The following PDSS2 variants were observed in gnomAD, a reference collection of about 807,000 sequenced individuals.
PDSS2 encodes all trans-polyprenyl-diphosphate synthase PDSS2.
PDSS2 carries 31 observed loss-of-function variants against 44.5 expected under a neutral mutation model. That is an observed-to-expected ratio of 0.70 (90% CI 0.52 to 0.94). The LOEUF is 0.94. Ranked by LOEUF, PDSS2 falls within the 40% of genes least tolerant of loss-of-function variation. The pLI, the probability that PDSS2 is intolerant of heterozygous loss-of-function variation, is 0.00. For synonymous variants in PDSS2, 157 were observed against 180.3 expected (o/e 0.87, Z 1.03); for missense variants, 452 against 482.2 (o/e 0.94, Z 0.59).
chr6:107,338,607 A>G (rs1777981646), intron 1 of PDSS2, among the ~76,000 whole-genome samples: 1 of 152,214 alleles, frequency 6.6e-6, no homozygotes, highest in Admixed American at 6.5e-5. Context: ...CAACTAACAC[A>G]ATTCAGGGGA....
At chr6:107,404,290 T>C (rs1468131915) in intron 1 of PDSS2, among the ~76,000 whole-genome samples, 1 of 152,208 alleles carries the variant, frequency 6.6e-6, no homozygotes, top group Admixed American at 6.5e-5. Flanking sequence ...GACAAGTCTC[T>C]AGGAAGTTCC....
chr6:107,172,070 G>A (rs539219103), intron 7 of PDSS2, among the ~76,000 whole-genome samples: 11 of 152,170 alleles, frequency 7.2e-5, no homozygotes, highest in Non-Finnish European at 1.5e-4. Flanking sequence ...TATAAGTGCA[G>A]TATCACCTGA....
chr6:107,377,419 C>A (rs976685250), intron 1 of PDSS2, among the ~76,000 whole-genome samples: 4 of 152,158 alleles, frequency 2.6e-5, no homozygotes, highest in Non-Finnish European at 5.9e-5. Context: ...GAAACAGGAA[C>A]ATTTTTACAC....
At chr6:107,172,988 G>T (rs782686279) in intron 7 of PDSS2, among the ~76,000 whole-genome samples, 5 of 151,862 alleles carry the variant, frequency 3.3e-5, no homozygotes, top group Non-Finnish European at 5.9e-5. Context: ...GCTGGGTGTG[G>T]TGGCGTGCAC....
chr6:107,410,207 A>T (rs1780445798), intron 1 of PDSS2, among the ~76,000 whole-genome samples: 1 of 152,182 alleles, frequency 6.6e-6, no homozygotes, highest in Non-Finnish European at 1.5e-5. Context: ...GGGGAAGAGA[A>T]TTATCAGAAT....
intron 2 of PDSS2, among the ~76,000 whole-genome samples, chr6:107,303,139 C>T (rs933412742): frequency 6.6e-6 from 1 of 152,106 alleles, no homozygotes; most frequent in Non-Finnish European, 1.5e-5. Context: ...TGTGTCATTC[C>T]ATCGCAGAAG....
At chr6:107,346,646 C>T (rs1191323701) in intron 1 of PDSS2, among the ~76,000 whole-genome samples, 1 of 152,012 alleles carries the variant, frequency 6.6e-6, no homozygotes, top group Non-Finnish European at 1.5e-5. Flanking sequence ...TAATGTATAT[C>T]CAATAAGCGA....
chr6:107,170,659 G>A (rs1229051119), intron 7 of PDSS2, among the ~76,000 whole-genome samples: 1 of 146,120 alleles, frequency 6.8e-6, no homozygotes, highest in African/African-American at 2.6e-5. Flanking sequence ...TGACACCCAG[G>A]CTGGATGCAG....
At chr6:107,399,682 T>A (rs1268051889) in intron 1 of PDSS2, among the ~76,000 whole-genome samples, 1 of 152,254 alleles carries the variant, frequency 6.6e-6, no homozygotes, top group African/African-American at 2.4e-5. Context: ...TTAGAATGTT[T>A]TTGTTTTTCC....
At chr6:107,242,116 A>T (rs1052531376) in intron 4 of PDSS2, among the ~76,000 whole-genome samples, 1 of 152,194 alleles carries the variant, frequency 6.6e-6, no homozygotes, top group Non-Finnish European at 1.5e-5. Context: ...AAGCACACTC[A>T]GGAAAAAAAG....
In PDSS2 at chr6:107,380,063, G is replaced by A. The variant is rs192440309; in HGVS notation, c.297-45731C>T. On this transcript the variant is annotated intron_variant, in intron 1 of 7. Transcript: ENST00000369037. ...ATAGACCTCTAATGTAAGGATTTAC[G>A]TTTAACTGTCTAGGAGTTGGCCTGT... 7.5e-4 allele frequency among the ~76,000 whole-genome samples: 114 copies of A among 152,018 alleles called. 1 individual carries two copies. The highest frequency in any genetic ancestry group is 2.3e-3 in the African/African-American group (97 of 41,488).
At chr6:107,189,918 G>C (rs563149736) in intron 7 of PDSS2, among the ~76,000 whole-genome samples, 3 of 151,426 alleles carry the variant, frequency 2.0e-5, no homozygotes, top group Non-Finnish European at 1.5e-5. Context: ...AAGAAAGAAA[G>C]AAACAAATAA....
In PDSS2 at chr6:107,210,562, A is replaced by C. The variant is rs1562377662; in HGVS notation, c.885T>G (p.Ser295=). 1 of 1,593,126 alleles carries C rather than the reference A, an allele frequency of 6.3e-7. No homozygotes were observed. Among genetic ancestry groups the C allele is most frequent in the Non-Finnish European group, 8.6e-7 (1 of 1,161,154 alleles). Residue 295 remains serine (S), a synonymous_variant, in exon 6 of 8, where the codon TCT becomes TCG. Coordinates refer to ENST00000369037, the MANE Select transcript of PDSS2 (RefSeq NM_020381.4). Reference sequence around the variant, plus strand: ...TTTCTTTAATAAAAGGCTGGACATCAGAATTTATCTACAAGAAGCAATTAA... The same window carrying C: ...TTTCTTTAATAAAAGGCTGGACATCCGAATTTATCTACAAGAAGCAATTAA... The part of the protein sequence containing the change: ...KHMAMSHKIN[S]DVQPFIKEKT...
chr6:107,348,549 T>G (rs1778325267), intron 1 of PDSS2, among the ~76,000 whole-genome samples: 1 of 152,184 alleles, frequency 6.6e-6, no homozygotes, highest in African/African-American at 2.4e-5. Context: ...ACTGGAATAT[T>G]AAACTTAAAT....
chr6:107,285,294 A>G (rs77503926), intron 2 of PDSS2, among the ~76,000 whole-genome samples: 6 of 152,198 alleles, frequency 3.9e-5, no homozygotes, highest in African/African-American at 1.4e-4. Context: ...TGGAAAAAAA[A>G]TAAGAGGGCT....
At chr6:107,313,638 G>C (rs1777114353) in intron 2 of PDSS2, among the ~76,000 whole-genome samples, 1 of 152,138 alleles carries the variant, frequency 6.6e-6, no homozygotes, top group South Asian at 2.1e-4. Context: ...ACAGGCATGA[G>C]CCACCACGCC....
intron 1 of PDSS2, among the ~76,000 whole-genome samples, chr6:107,396,482 G>C (rs1055286088): frequency 2.6e-5 from 4 of 152,068 alleles, no homozygotes; most frequent in African/African-American, 2.4e-5. Flanking sequence ...AGTTGTTTCA[G>C]GTACATTGCC....
rs532196499 is a variant in PDSS2, at chr6:107,230,076, A to G, written c.702+15472T>C. The stretch of plus-strand genomic sequence containing the variant: ...AGAAAAAGACCTGAAGAAACAAAAA[A>G]ACTGAGCAAGAACAGAATGAAGTCA... On this transcript the variant is annotated intron_variant, in intron 4 of 7. Transcript: ENST00000369037. The G allele has an allele frequency of 3.9e-5, 7 of 178,640 alleles. No homozygotes were observed. In the East Asian group the frequency reaches 1.1e-3, roughly 27 times the overall value. The allele number at this position is 178,640 out of a possible 1,614,324, so 11.1% of individuals were successfully genotyped here.
At chr6:107,196,417 T>C (rs765008352) in intron 6 of PDSS2, among the ~76,000 whole-genome samples, 3 of 152,228 alleles carry the variant, frequency 2.0e-5, no homozygotes, top group Non-Finnish European at 4.4e-5. Context: ...TGCTTAGTCT[T>C]TCAGTTCTCA....
Sources: gnomAD v4.1 joint callset for allele counts (sites outside exome capture counted in the v4.1 genomes callset) on GRCh38, gnomAD v4.1.1 for gene constraint, MANE v1.5 for transcripts, NCBI Gene and HGNC (gene_info 2026-07-23, HGNC 2026-07-21) for gene names.